Variants in MS4A4E observed in about 807,000 individuals in gnomAD.
MS4A4E encodes the protein membrane spanning 4-domains A4E, also known as putative membrane-spanning 4-domains subfamily A member 4E.
MS4A4E carries 23 observed loss-of-function variants against 13.3 expected under a neutral mutation model. That is an observed-to-expected ratio of 1.73 (90% confidence interval 1.25 to 2.45). MS4A4E has a LOEUF of 2.45. Ranked by LOEUF, MS4A4E falls within the 30% of genes most tolerant of loss-of-function variation. MS4A4E has a pLI of 0.00. For synonymous variants in MS4A4E, 36 were observed against 45.6 expected, an observed-to-expected ratio of 0.79 and a Z score of 0.85; for missense variants, 144 against 131.2, an observed-to-expected ratio of 1.10 and a Z score of -0.48.
chr11:60,239,460 C>T (rs1258619580), intron 1 of MS4A4E, among the ~76,000 whole-genome samples: 1 of 152,170 alleles, frequency 6.6e-6, no homozygotes, highest in African/African-American at 2.4e-5. Context: ...TGGCATGACC[C>T]TGCTCCAACC....
chr11:60,222,549 T>C (rs1244386416), intron 3 of MS4A4E, among the ~76,000 whole-genome samples: 1 of 152,128 alleles, frequency 6.6e-6, no homozygotes, highest in Non-Finnish European at 1.5e-5. Flanking sequence ...TAAGGTACTG[T>C]TTCTGCTATA....
intron 1 of MS4A4E, among the ~76,000 whole-genome samples, chr11:60,231,725 A>G (rs1426912436): frequency 6.6e-6 from 1 of 152,186 alleles, no homozygotes; most frequent in Non-Finnish European, 1.5e-5. Context: ...CTGGAGAATT[A>G]TAGTTCTGAG....
At chr11:60,219,696 A>T (rs2084243412) in intron 3 of MS4A4E, among the ~76,000 whole-genome samples, 1 of 152,164 alleles carries the variant, frequency 6.6e-6, no homozygotes, top group South Asian at 2.1e-4. Flanking sequence ...TCTTTCTCCC[A>T]TCCTTCCTCA....
At chr11:60,227,750 C>A (rs977595054) in intron 3 of MS4A4E, among the ~76,000 whole-genome samples, 1 of 151,352 alleles carries the variant, frequency 6.6e-6, no homozygotes, top group African/African-American at 2.4e-5. Flanking sequence ...AAGAAATAGA[C>A]AAATAGATCA....
Position 60,228,599 on chromosome 11 carries a change from T to A in MS4A4E, c.173A>T (p.His58Leu), listed in dbSNP as rs948971762. ...AATATAGTAATCATACTTACCCGAA[T>A]GAGTTGAAAACTTATGTCCACACAA... ...GVLCGHKFST[H>L]SVSLSVAAGI... Residue 58 changes from histidine to leucine, a missense_variant, in exon 3 of 9, where the codon CAT (histidine) becomes CTT (leucine). Physicochemically the swap from His to Leu is moderately conservative, Grantham distance 99. Coordinates refer to ENST00000651255, the MANE Select transcript of MS4A4E (RefSeq NM_001393391.1). 7 of 698,424 alleles carry A rather than the reference T, an allele frequency of 1.0e-5. No individual in the cohort carries two copies. In the African/African-American group the frequency reaches 1.2e-4, roughly 12 times the overall value. 43.3% of individuals were successfully genotyped at this position (698,424 alleles called of 1,614,324 possible). A position where few individuals can be genotyped will look rare whatever the true frequency, so the allele number is the denominator to read the frequency against.
intron 3 of MS4A4E, 92 bp from the exon 4 acceptor site, chr11:60,214,706 A>G (rs1286868809): frequency 4.0e-6 from 3 of 754,752 alleles, no homozygotes; most frequent in Non-Finnish European, 6.3e-6. Flanking sequence ...CTTTATTCCA[A>G]ATTAGATAGA....
intron 1 of MS4A4E, among the ~76,000 whole-genome samples, chr11:60,238,710 T>A (rs1405632698): frequency 6.6e-6 from 1 of 152,206 alleles, no homozygotes; most frequent in Non-Finnish European, 1.5e-5. Flanking sequence ...TTCCATTTAG[T>A]TTGTTCTTCT....
chr11:60,203,214 T>C (rs904261037), intron 8 of MS4A4E, among the ~76,000 whole-genome samples: 66 of 152,236 alleles, frequency 4.3e-4, no homozygotes, highest in African/African-American at 1.6e-3. Context: ...TGTTATTTGC[T>C]TTTATATTGT....
At chr11:60,213,349 T>G in intron 4 of MS4A4E, 1 of 1,497,170 alleles carries the variant, frequency 6.7e-7, no homozygotes, top group Non-Finnish European at 9.0e-7. Flanking sequence ...GAAGATGAGA[T>G]AATCTCCAAA....
At chr11:60,227,151 T>G (rs2084353923) in intron 3 of MS4A4E, among the ~76,000 whole-genome samples, 1 of 151,970 alleles carries the variant, frequency 6.6e-6, no homozygotes, top group Non-Finnish European at 1.5e-5. Flanking sequence ...GTCGAATAAC[T>G]AAATAAATGG....
At chr11:60,220,486 C>T (rs1169547154) in intron 3 of MS4A4E, among the ~76,000 whole-genome samples, 1 of 152,192 alleles carries the variant, frequency 6.6e-6, no homozygotes, top group African/African-American at 2.4e-5. Flanking sequence ...CAACTCTTCT[C>T]TGGCTTTGTG....
chr11:60,239,846 C>G (rs1447983597), intron 1 of MS4A4E, among the ~76,000 whole-genome samples: 1 of 152,166 alleles, frequency 6.6e-6, no homozygotes, highest in Admixed American at 6.5e-5. Flanking sequence ...AATAAAATAG[C>G]AGGCCTTATT....
At chr11:60,211,838 A>C (rs1053699851) in intron 5 of MS4A4E, among the ~76,000 whole-genome samples, 1 of 152,212 alleles carries the variant, frequency 6.6e-6, no homozygotes, top group African/African-American at 2.4e-5. Context: ...ACTTGAACCC[A>C]GGAGGTGGAG....
At chr11:60,212,230 G>A (rs1052315109) in intron 5 of MS4A4E, among the ~76,000 whole-genome samples, 1 of 152,056 alleles carries the variant, frequency 6.6e-6, no homozygotes, top group African/African-American at 2.4e-5. Flanking sequence ...CCAAAGATGT[G>A]GGAAAGGATA....
intron 1 of MS4A4E, among the ~76,000 whole-genome samples, chr11:60,233,808 T>C (rs2084445106): frequency 6.6e-6 from 1 of 152,158 alleles, no homozygotes; most frequent in Non-Finnish European, 1.5e-5. Flanking sequence ...GGGATATGCC[T>C]AGTGGAGCCT....
chr11:60,234,800 A>G (rs372950455), intron 1 of MS4A4E, among the ~76,000 whole-genome samples: 1 of 146,230 alleles, frequency 6.8e-6, no homozygotes, highest in African/African-American at 2.5e-5. Context: ...AAATAACAAA[A>G]TGGCACTACT....
At chr11:60,217,707 G>C (rs1208574056) in intron 3 of MS4A4E, among the ~76,000 whole-genome samples, 1 of 152,172 alleles carries the variant, frequency 6.6e-6, no homozygotes, top group Non-Finnish European at 1.5e-5. Context: ...AAATTGTAAA[G>C]ATTTCATGGA....
chr11:60,217,480 T>G (rs1202646338), intron 3 of MS4A4E, among the ~76,000 whole-genome samples: 1 of 152,066 alleles, frequency 6.6e-6, no homozygotes, highest in Non-Finnish European at 1.5e-5. Flanking sequence ...TAACCCACAC[T>G]GCCATCAGCC....
At chr11:60,212,456 C>T (rs1434470352) in intron 5 of MS4A4E, among the ~76,000 whole-genome samples, 1 of 151,988 alleles carries the variant, frequency 6.6e-6, no homozygotes, top group Non-Finnish European at 1.5e-5. Context: ...ACTACAGGTG[C>T]CCGCCACCAT....
Sources: allele counts gnomAD v4.1 joint callset (sites outside exome capture counted in the v4.1 genomes callset), GRCh38; gene constraint gnomAD v4.1.1; transcripts MANE v1.5; gene names NCBI Gene and HGNC (gene_info 2026-07-23, HGNC 2026-07-21).